ARHGEF4: variants seen among roughly 807,000 people sequenced by gnomAD.
The protein encoded by ARHGEF4 is APC-stimulated guanine nucleotide exchange factor 1.
In ARHGEF4, 119 loss-of-function variants were observed where a neutral mutation model predicts 162.0. The observed-to-expected ratio is 0.73, with a 90% confidence interval of 0.63 to 0.86. ARHGEF4 has a LOEUF of 0.86. ARHGEF4 is among the 40% of genes least tolerant of loss of function. The pLI is 0.00. For synonymous variants in ARHGEF4, 1,014 were observed against 979.9 expected, an observed-to-expected ratio of 1.03 and a Z score of -0.65; for missense variants, 2,488 against 2,456.0, an observed-to-expected ratio of 1.01 and a Z score of -0.28.
At chr2:130,874,106 G>C (rs533933235) in intron 1 of ARHGEF4, among the ~76,000 whole-genome samples, 2 of 152,050 alleles carry the variant, frequency 1.3e-5, no homozygotes, top group African/African-American at 4.8e-5. Context: ...TCCTTTTTAC[G>C]AGCAGCTTAC....
intron 4 of ARHGEF4, among the ~76,000 whole-genome samples, chr2:131,025,794 G>A (rs911678096): frequency 6.6e-6 from 1 of 152,144 alleles, no homozygotes; most frequent in Non-Finnish European, 1.5e-5. Context: ...AGCTCCCTGA[G>A]AGTAAGATAA....
Position 131,046,305 on chromosome 2 carries a change from T to A in ARHGEF4, c.*116T>A. 9.0e-7 allele frequency: 1 copy of A among 1,115,934 alleles called. No individual in the cohort carries two copies. The highest frequency in any genetic ancestry group is 1.3e-6 in the Non-Finnish European group (1 of 792,258). The allele number at this position is 1,115,934 out of a possible 1,614,324, so 69.1% of individuals were successfully genotyped here. A position where few individuals can be genotyped will look rare whatever the true frequency, so the allele number is the denominator to read the frequency against. Reference sequence around the variant, plus strand: ...TGCCTGCAAGTGAGCAGGGATGGGCTGGGGAGTTGCTTGTGCCACCAAGAC... The same window carrying A: ...TGCCTGCAAGTGAGCAGGGATGGGCAGGGGAGTTGCTTGTGCCACCAAGAC... On this transcript the variant is annotated 3_prime_UTR_variant, in exon 14 of 14. Coordinates refer to ENST00000409359, the MANE Select transcript of ARHGEF4 (RefSeq NM_001367493.1).
At chr2:130,885,233 G>A (rs1437816338) in intron 1 of ARHGEF4, among the ~76,000 whole-genome samples, 8 of 152,202 alleles carry the variant, frequency 5.3e-5, no homozygotes, top group Non-Finnish European at 7.3e-5. Context: ...TGCTCTGAGG[G>A]ACAGTCTTGT....
In ARHGEF4 at chr2:131,043,394, G is replaced by C. The variant is rs565649196; in HGVS notation, c.5026-58G>C. The C allele has an allele frequency of 7.3e-5, 117 of 1,606,048 alleles. No individual in the cohort carries two copies. In the Admixed American group the frequency reaches 9.0e-4, roughly 12 times the overall value. On this transcript the variant is annotated intron_variant, in intron 10 of 13. Transcript: ENST00000409359. ...CGCCACCCACCCATGATGGGGGCAG[G>C]AAGTGGAGCCCACGGTTGGGTATGC...
chr2:130,969,330 G>C (rs1685208150), intron 4 of ARHGEF4, among the ~76,000 whole-genome samples: 3 of 152,006 alleles, frequency 2.0e-5, no homozygotes, highest in African/African-American at 7.2e-5. Flanking sequence ...GGGTGCGTTG[G>C]GTCACACCTG....
chr2:130,969,703 T>C (rs540306009), intron 4 of ARHGEF4, among the ~76,000 whole-genome samples: 13 of 152,330 alleles, frequency 8.5e-5, no homozygotes, highest in Non-Finnish European at 1.9e-4. Flanking sequence ...TGTACAATTC[T>C]TAGAGTTTGA....
At chr2:131,022,306 G>GT in intron 4 of ARHGEF4, among the ~76,000 whole-genome samples, 1 of 151,844 alleles carries the variant, frequency 6.6e-6, no homozygotes, top group Non-Finnish European at 1.5e-5. Flanking sequence ...TTTATTGGAA[G>GT]TTTTTTTTAT....
Position 131,015,865 on chromosome 2 carries a change from C to T in ARHGEF4, c.3986-12080C>T, listed in dbSNP as rs1394981665. ...CATCTGTAGAATGGACACATCATTT[C>T]GCCTTCCTTGTTCATGTCGCAAGGA... is the stretch of plus-strand genomic sequence containing the variant. On this transcript the variant is annotated intron_variant, in intron 4 of 13. Transcript: ENST00000409359. 5.3e-5 allele frequency among the ~76,000 whole-genome samples: 8 copies of T among 152,232 alleles called. 1 individual carries two copies. In the East Asian group the frequency reaches 1.5e-3, roughly 29 times the overall value.
At chr2:130,870,120 G>A (rs1248156146) in intron 1 of ARHGEF4, among the ~76,000 whole-genome samples, 1 of 152,166 alleles carries the variant, frequency 6.6e-6, no homozygotes, top group East Asian at 1.9e-4. Flanking sequence ...CCCCTGCAGG[G>A]CCTCAGAGAA....
chr2:130,915,209 A>T lies in ARHGEF4; in HGVS notation c.1263A>T (p.Ala421=), dbSNP rs770682168. 1 of 1,550,588 alleles carries T rather than the reference A, an allele frequency of 6.4e-7. No homozygotes were observed. Among genetic ancestry groups the T allele is most frequent in the East Asian group, 2.4e-5 (1 of 40,902 alleles). The change falls in exon 2 of 14, where the codon GCA becomes GCT. Residue 421 remains alanine, a synonymous_variant. Transcript: ENST00000409359. ...GGGCCTCTCAGGACACTCCTTCTGC[A>T]GGTCTCCTGGGGGAAAACCAGTTAA... The part of the protein sequence containing the change: ...LQRASQDTPS[A]GLLGENQLRQ...
chr2:130,946,365 G>C (rs1409186550), intron 3 of ARHGEF4, 144 bp from the exon 4 acceptor site: 8 of 971,554 alleles, frequency 8.2e-6, no homozygotes, highest in Non-Finnish European at 1.2e-5. Flanking sequence ...GATGTGAAAG[G>C]CATCCCCTGG....
At chr2:130,942,168 G>A (rs1420769323) in intron 3 of ARHGEF4, among the ~76,000 whole-genome samples, 1 of 43,116 alleles carries the variant, frequency 2.3e-5, no homozygotes, top group South Asian at 7.1e-4. Flanking sequence ...TTTTTTTTTT[G>A]AGACGGAGTC....
chr2:131,015,909 T>C (rs566991876), intron 4 of ARHGEF4, among the ~76,000 whole-genome samples: 4 of 152,214 alleles, frequency 2.6e-5, no homozygotes, highest in African/African-American at 7.2e-5. Flanking sequence ...GAGGCCCCTG[T>C]AGGGCCACAC....
Position 130,849,568 on chromosome 2 carries a change from CT to C in ARHGEF4, c.39+12592del, listed in dbSNP as rs879574941. The stretch of plus-strand genomic sequence containing the variant: ...CACCTCCTTTCCATGATCTAGGATA[CT>C]TTTTTTTTTTTTTTTCTGAGACGGA... On this transcript the variant is annotated intron_variant, in intron 1 of 13. Transcript: ENST00000409359. 4.0e-3 allele frequency among the ~76,000 whole-genome samples: 565 copies of C among 142,742 alleles called. 1 individual carries two copies. Among genetic ancestry groups the C allele is most frequent in the African/African-American group, 5.8e-3 (229 of 39,154 alleles). The allele number at this position is 142,742 out of a possible 152,430, so 93.6% of individuals were successfully genotyped here.
Position 130,914,929 on chromosome 2 carries a change from G to A in ARHGEF4, c.983G>A (p.Cys328Tyr), listed in dbSNP as rs1681393326. Residue 328 changes from cysteine to tyrosine, a missense_variant, in exon 2 of 14, where the codon TGT (cysteine) becomes TAT (tyrosine). By Grantham distance (194) the Cys-to-Tyr change is radical. This residue lies in a region of ARHGEF4 where 1,642 missense variants were observed against 1,481.5 expected (regional missense o/e 1.11). Coordinates refer to ENST00000409359, the MANE Select transcript of ARHGEF4 (RefSeq NM_001367493.1). The part of the protein sequence containing the change: ...DKNRASPRLN[C>Y]GHMRALVRAH... The stretch of plus-strand genomic sequence containing the variant: ...AACAGGGCATCCCCCAGACTCAACT[G>A]TGGGCACATGAGGGCACTGGTCAGG... 1.3e-6 allele frequency: 2 copies of A among 1,539,114 alleles called. No individual in the cohort carries two copies. The highest frequency in any genetic ancestry group is 2.5e-5 in the East Asian group (1 of 40,812).
chr2:131,035,665 C>A (rs749072557), intron 5 of ARHGEF4: 5 of 988,038 alleles, frequency 5.1e-6, no homozygotes, highest in Non-Finnish European at 2.4e-6. Flanking sequence ...CCCCGGGCAC[C>A]GCTGCGCATG....
chr2:130,975,396 A>G (rs1271640203), intron 4 of ARHGEF4, among the ~76,000 whole-genome samples: 1 of 151,676 alleles, frequency 6.6e-6, no homozygotes, highest in Non-Finnish European at 1.5e-5. Context: ...CACAGCCCTT[A>G]CTCTCAAAAC....
intron 1 of ARHGEF4, among the ~76,000 whole-genome samples, chr2:130,876,981 G>C (rs1678889132): frequency 6.6e-6 from 1 of 152,218 alleles, no homozygotes; most frequent in African/African-American, 2.4e-5. Flanking sequence ...ATTTGATAGA[G>C]TAAAATAAAA....
At chr2:130,839,382 T>A (rs1018013729) in intron 1 of ARHGEF4, among the ~76,000 whole-genome samples, 8 of 152,142 alleles carry the variant, frequency 5.3e-5, no homozygotes, top group Non-Finnish European at 1.2e-4. Context: ...GAACCTCAGA[T>A]TGTCTGGGTC....
Sources: gnomAD v4.1 joint callset for allele counts (sites outside exome capture counted in the v4.1 genomes callset) on GRCh38, gnomAD v4.1.1 for gene constraint, gnomAD v4.1.1 regional missense constraint, MANE v1.5 for transcripts, NCBI Gene and HGNC (gene_info 2026-07-23, HGNC 2026-07-21) for gene names.